Variants in NISCH observed in about 807,000 individuals in gnomAD.
NISCH encodes the protein nischarin, also known as I-1 receptor candidate protein.
NISCH carries 55 observed loss-of-function variants against 138.4 expected under a neutral mutation model. That is an observed-to-expected ratio of 0.40 (90% CI 0.32 to 0.50). The LOEUF (loss-of-function observed/expected upper bound fraction) is 0.50. Among genes scored for constraint, NISCH ranks in the 20% least tolerant of loss-of-function variants. The pLI is 0.71. For missense variants in NISCH, 1,643 were observed against 2,005.5 expected, an observed-to-expected ratio of 0.82 and a Z score of 3.45; for synonymous variants, 860 against 861.5, an observed-to-expected ratio of 1.00 and a Z score of 0.03.
chr3:52,479,980 C>T, intron 12 of NISCH, 118 bp downstream of exon 12: 1 of 989,586 alleles, frequency 1.0e-6, no homozygotes, highest in South Asian at 1.5e-5. Flanking sequence ...TGCGCCCCTC[C>T]CTGGCTGCAT....
chr3:52,489,435 A>C lies in NISCH; in HGVS notation c.3213A>C (p.Pro1071=). 1 of 1,602,694 alleles carries C rather than the reference A, an allele frequency of 6.2e-7. No homozygotes were observed. The highest frequency in any genetic ancestry group is 8.5e-7 in the Non-Finnish European group (1 of 1,170,768). ...CTGCAGCAGCCTCAGCCTCAGGCCC[A>C]GCGAAGACTCCGGCCCCAGCAGAGG... is the stretch of plus-strand genomic sequence containing the variant. ...PAPAAASASG[P]AKTPAPAEAS... Residue 1071 remains proline (P), a synonymous_variant, in exon 17 of 21, where the codon CCA becomes CCC. Transcript: ENST00000345716.
chr3:52,462,442 G>T (rs1011704711), intron 3 of NISCH, among the ~76,000 whole-genome samples: 1 of 152,150 alleles, frequency 6.6e-6, no homozygotes, highest in Non-Finnish European at 1.5e-5. Context: ...AAAACCACTG[G>T]ATTAGATCTT....
chr3:52,489,462 C>G lies in NISCH; in HGVS notation c.3240C>G (p.Ala1080=). 1 of 1,603,848 alleles carries G rather than the reference C, an allele frequency of 6.2e-7. No homozygotes were observed. The highest frequency in any genetic ancestry group is 8.5e-7 in the Non-Finnish European group (1 of 1,171,478). The change falls in exon 17 of 21, where the codon GCC becomes GCG. Residue 1080 remains alanine (A), a synonymous_variant. Coordinates refer to ENST00000345716, the MANE Select transcript of NISCH (RefSeq NM_007184.4). Reference sequence around the variant, plus strand: ...CGAAGACTCCGGCCCCAGCAGAGGCCTCAACTTCAGCTTTGGTCCCAGAGG... The same window carrying G: ...CGAAGACTCCGGCCCCAGCAGAGGCGTCAACTTCAGCTTTGGTCCCAGAGG... ...GPAKTPAPAE[A]STSALVPEET... is the part of the protein sequence containing the mutation.
chr3:52,474,359 C>T lies in NISCH; in HGVS notation c.765+530C>T, dbSNP rs573072529. Among the ~76,000 whole-genome samples, 135 of 151,650 alleles carry T rather than the reference C, an allele frequency of 8.9e-4. 1 individual carries two copies. Among genetic ancestry groups the T allele is most frequent in the African/African-American group, 3.2e-3 (131 of 41,302 alleles). On this transcript the variant is annotated intron_variant, in intron 7 of 20. Transcript: ENST00000345716. ...TCACCCAGGCTGGAGTGCAGTGGCG[C>T]GATCTTGGCTCACTGCAAGCTCTGC...
chr3:52,478,343 A>C (rs1707165127), intron 10 of NISCH, 61 bp downstream of exon 10: 1 of 1,606,394 alleles, frequency 6.2e-7, no homozygotes, highest in Admixed American at 1.7e-5. Context: ...CATGTTAAAG[A>C]AGAATGTTAA....
At chr3:52,481,138 A>AG (rs1707259450) in intron 13 of NISCH, 15 of 1,257,708 alleles carry the variant, frequency 1.2e-5, no homozygotes, top group Non-Finnish European at 1.3e-5. Flanking sequence ...ATTTTCTCTT[A>AG]GAGGGATAAG....
chr3:52,468,018 G>A (rs1288839474), intron 3 of NISCH, among the ~76,000 whole-genome samples: 1 of 152,260 alleles, frequency 6.6e-6, no homozygotes, highest in African/African-American at 2.4e-5. Flanking sequence ...CCAGCACTTT[G>A]GGAGGCCAAG....
intron 3 of NISCH, among the ~76,000 whole-genome samples, chr3:52,462,477 G>A (rs1706662659): frequency 6.6e-6 from 1 of 152,176 alleles, no homozygotes; most frequent in African/African-American, 2.4e-5. Context: ...AGATTTGTCA[G>A]CCTTTTCTCC....
At chr3:52,455,886 G>A in intron 1 of NISCH, 152 bp downstream of exon 1, 1 of 543,828 alleles carries the variant, frequency 1.8e-6, no homozygotes, top group Non-Finnish European at 2.8e-6. Flanking sequence ...GGGGGATCTA[G>A]GAAAGGGATC....
rs758737533 is a variant in NISCH, at chr3:52,491,528, C to G, written c.3904+15C>G. ...CAAGACCACAGGTACCCCTGTCTAG[C>G]TCAGGCTGCAGACAGGCTGCCTGGA... On this transcript the variant is annotated intron_variant, in intron 20 of 20. Transcript: ENST00000345716. 45 of 1,602,456 alleles carry G rather than the reference C, an allele frequency of 2.8e-5. No homozygotes were observed. The highest frequency in any genetic ancestry group is 1.8e-5 in the Non-Finnish European group (21 of 1,173,574).
At chr3:52,465,394 C>T (rs918018417) in intron 3 of NISCH, among the ~76,000 whole-genome samples, 9 of 151,858 alleles carry the variant, frequency 5.9e-5, no homozygotes, top group East Asian at 3.9e-4. Flanking sequence ...CCTCCCAAAG[C>T]GCTCGGTTTA....
intron 6 of NISCH, among the ~76,000 whole-genome samples, chr3:52,472,967 G>T (rs1399990921): frequency 6.6e-6 from 1 of 152,230 alleles, no homozygotes; most frequent in Non-Finnish European, 1.5e-5. Context: ...GTGGCCCCAT[G>T]TCTCCTTGAT....
At chr3:52,490,658 G>A (rs761442735) in intron 18 of NISCH, 47 bp from the exon 19 acceptor site, 3 of 1,612,872 alleles carry the variant, frequency 1.9e-6, no homozygotes, top group African/African-American at 2.7e-5. Flanking sequence ...TAGGAACCTT[G>A]TGCTTGCCTG....
Position 52,478,275 on chromosome 3 carries a change from T to G in NISCH, c.1166T>G (p.Ile389Ser). 1 of 1,614,072 alleles carries G rather than the reference T, an allele frequency of 6.2e-7. No homozygotes were observed. The highest frequency in any genetic ancestry group is 8.5e-7 in the Non-Finnish European group (1 of 1,179,954). Residue 389 changes from isoleucine to serine, a missense_variant, in exon 10 of 21, where the codon ATC becomes AGC. By Grantham distance (142) the Ile-to-Ser change is moderately radical (BLOSUM62 -2). Coordinates refer to ENST00000345716, the MANE Select transcript of NISCH (RefSeq NM_007184.4). ...LVNLDLRDNR[I>S]EQMEEVRSIG... ...AACCTGGATCTCCGGGACAACAGGA[T>G]CGAACAGGTGAGCCCAAGGACCTCA... is the stretch of plus-strand genomic sequence containing the variant.
Position 52,478,539 on chromosome 3 carries a change from A to G in NISCH, c.1264A>G (p.Thr422Ala). ...NPLSIIPDYR[T>A]KVLAQFGERA... ...TCTGAGCATCATCCCCGACTACCGG[A>G]CCAAGGTGCTGGCTCAGTTCGGAGA... Residue 422 changes from threonine to alanine, a missense_variant, in exon 11 of 21, where the codon ACC becomes GCC. Transcript: ENST00000345716. 1 of 1,614,168 alleles carries G rather than the reference A, an allele frequency of 6.2e-7. No homozygotes were observed. Among genetic ancestry groups the G allele is most frequent in the East Asian group, 2.2e-5 (1 of 44,882 alleles).
Position 52,470,920 on chromosome 3 carries a change from A to G in NISCH, c.409+13A>G, listed in dbSNP as rs747758670. 4 of 1,613,782 alleles carry G rather than the reference A, an allele frequency of 2.5e-6. No individual in the cohort carries two copies. Among genetic ancestry groups the G allele is most frequent in the Non-Finnish European group, 3.4e-6 (4 of 1,179,710 alleles). ...CTCTTTGAGAAAGGTATGTGGCCAC[A>G]TGTCCCTGAAATACTGAGCATAAGT... On this transcript the variant is annotated intron_variant, in intron 4 of 20. Coordinates refer to ENST00000345716, the MANE Select transcript of NISCH (RefSeq NM_007184.4).
At chr3:52,480,010 C>A in intron 12 of NISCH, 148 bp downstream of exon 12, 1 of 950,410 alleles carries the variant, frequency 1.1e-6, no homozygotes, top group South Asian at 1.5e-5. Flanking sequence ...CAAGTCGCGG[C>A]CTCTCTGTTC....
chr3:52,484,462 T>TGGGGCCCCCCCCC, intron 13 of NISCH, 51 bp from the exon 14 acceptor site: 16 of 788,670 alleles, frequency 2.0e-5, no homozygotes, highest in Non-Finnish European at 2.6e-5. Flanking sequence ...ACAGCCGCTC[T>TGGGGCCCCCCCCC]CCCCGCCCCA....
chr3:52,480,365 G>T (rs538855935), intron 13 of NISCH, 70 bp downstream of exon 13: 6 of 1,592,754 alleles, frequency 3.8e-6, no homozygotes, highest in East Asian at 2.3e-5. Context: ...CTGGGCTGGG[G>T]TTGGGGGAGA....
Sources: allele counts gnomAD v4.1 joint callset (sites outside exome capture counted in the v4.1 genomes callset), GRCh38; gene constraint gnomAD v4.1.1; transcripts MANE v1.5; gene names NCBI Gene and HGNC (gene_info 2026-07-23, HGNC 2026-07-21).